The following TASP1 variants were observed in gnomAD, a reference collection of about 807,000 sequenced individuals.
The protein encoded by TASP1 is threonine aspartase 1.
TASP1 carries 16 observed loss-of-function variants against 56.6 expected under a neutral mutation model. The observed-to-expected ratio is 0.28, with a 90% CI of 0.19 to 0.43. The LOEUF is 0.43. TASP1 is among the 20% of genes least tolerant of loss of function. The probability of loss-of-function intolerance (pLI) is 1.00; values close to 1 mark genes in which losing one functional copy is unlikely to be tolerated. For missense variants in TASP1, 393 were observed against 511.6 expected (o/e 0.77, Z 2.24); for synonymous variants, 179 against 184.2 (o/e 0.97, Z 0.23).
At chr20:13,558,688 A>G (rs2046243813) in intron 8 of TASP1, among the ~76,000 whole-genome samples, 1 of 152,136 alleles carries the variant, frequency 6.6e-6, no homozygotes, top group African/African-American at 2.4e-5. Context: ...ACTGGTTCTG[A>G]AGACTTAATA....
the TASP1 span, among the ~76,000 whole-genome samples, chr20:13,281,735 G>A: frequency 1.3e-5 from 2 of 152,158 alleles, no homozygotes; most frequent in Admixed American, 6.5e-5. Context: ...AAAGATCAGC[G>A]CCACTGAGTG....
intron 12 of TASP1, among the ~76,000 whole-genome samples, chr20:13,430,523 T>C (rs73901163): frequency 6.6e-6 from 1 of 152,272 alleles, no homozygotes; most frequent in Non-Finnish European, 1.5e-5. Flanking sequence ...GCTGCTTGAG[T>C]GTCCTCATGA....
chr20:13,291,723 A>C, the TASP1 span, among the ~76,000 whole-genome samples: 3 of 152,210 alleles, frequency 2.0e-5, no homozygotes, highest in Admixed American at 6.5e-5. Flanking sequence ...AACAATGCTA[A>C]GTGTCCTAGA....
Position 13,401,984 on chromosome 20 carries a change from T to C in TASP1, c.1171-11532A>G, listed in dbSNP as rs117082559. Among the ~76,000 whole-genome samples the C allele has an allele frequency of 4.5e-3, 688 of 152,308 alleles. 3 individuals are homozygous for C. Among genetic ancestry groups the C allele is most frequent in the East Asian group, 0.01 (54 of 5,188 alleles). On this transcript the variant is annotated intron_variant, in intron 13 of 13. Transcript: ENST00000337743. The stretch of plus-strand genomic sequence containing the variant: ...TAGAGAAATTAATGTTTTCATTACT[T>C]TTCATGTTGCTAAAATAAAGAAGTT...
At chr20:13,420,183 T>G (rs1302572120) in intron 12 of TASP1, among the ~76,000 whole-genome samples, 2 of 152,196 alleles carry the variant, frequency 1.3e-5, no homozygotes, top group Non-Finnish European at 2.9e-5. Context: ...GACATTACCC[T>G]TTATTTTTTA....
At chr20:13,471,858 C>T (rs2044510253) in intron 11 of TASP1, among the ~76,000 whole-genome samples, 1 of 152,152 alleles carries the variant, frequency 6.6e-6, no homozygotes, top group Non-Finnish European at 1.5e-5. Context: ...AGAGCCAAAG[C>T]AGGGTGCGGC....
chr20:13,454,991 T>C (rs1274079907), intron 11 of TASP1, among the ~76,000 whole-genome samples: 1 of 152,118 alleles, frequency 6.6e-6, no homozygotes, highest in Non-Finnish European at 1.5e-5. Flanking sequence ...TTTGATTTAA[T>C]TGCATATTTT....
the TASP1 span, among the ~76,000 whole-genome samples, chr20:13,136,569 C>A: frequency 6.6e-6 from 1 of 150,650 alleles, no homozygotes; most frequent in Non-Finnish European, 1.5e-5. Context: ...CACTGCACTC[C>A]AGCCTGGGCA....
intron 4 of TASP1, among the ~76,000 whole-genome samples, chr20:13,590,612 A>G (rs1437781019): frequency 1.3e-5 from 2 of 152,218 alleles, no homozygotes; most frequent in South Asian, 4.1e-4. Context: ...TCACACCTGT[A>G]ATCCCAGCAC....
intron 10 of TASP1, among the ~76,000 whole-genome samples, chr20:13,507,277 A>G (rs1008130130): frequency 3.3e-5 from 5 of 152,236 alleles, no homozygotes; most frequent in African/African-American, 1.2e-4. Context: ...TCACTCCTAT[A>G]ATCCCAGCAT....
chr20:13,386,365 G>T (rs973939456), downstream of TASP1, among the ~76,000 whole-genome samples: 1 of 152,132 alleles, frequency 6.6e-6, no homozygotes, highest in Admixed American at 6.5e-5. Flanking sequence ...ATTAAGGGTT[G>T]CCTCTAGGGA....
At chr20:13,498,796 C>CAAAAAAAAAAAAAAAA (rs34158191) in intron 10 of TASP1, among the ~76,000 whole-genome samples, 1 of 130,058 alleles carries the variant, frequency 7.7e-6, no homozygotes. Context: ...ATAAAAAAGG[C>CAAAAAAAAAAAAAAAA]AAAAAAAAAA....
At chr20:13,531,090 A>G (rs2045199985) in intron 9 of TASP1, among the ~76,000 whole-genome samples, 1 of 152,224 alleles carries the variant, frequency 6.6e-6, no homozygotes, top group South Asian at 2.1e-4. Flanking sequence ...TGCTGAACAT[A>G]GCAAGTGCTT....
the TASP1 span, among the ~76,000 whole-genome samples, chr20:13,266,876 T>C: frequency 1.3e-5 from 2 of 152,332 alleles, no homozygotes; most frequent in East Asian, 3.9e-4. Flanking sequence ...GTGAGTGAAC[T>C]TGGTAATAGC....
the TASP1 span, among the ~76,000 whole-genome samples, chr20:13,178,341 T>G: frequency 1.5e-4 from 23 of 152,218 alleles, no homozygotes; most frequent in African/African-American, 5.3e-4. Flanking sequence ...TGAACAACAG[T>G]GTGAAGGTTC....
the TASP1 span, among the ~76,000 whole-genome samples, chr20:13,316,819 C>T: frequency 1.6e-3 from 246 of 151,758 alleles, no homozygotes; most frequent in African/African-American, 5.2e-3. Context: ...ACAAAACACC[C>T]GATAGTTAAT....
At chr20:13,145,030 C>T in the TASP1 span, among the ~76,000 whole-genome samples, 2 of 152,246 alleles carry the variant, frequency 1.3e-5, no homozygotes, top group Admixed American at 6.5e-5. Flanking sequence ...CTGCCTCAGC[C>T]TCCCAAAGTG....
chr20:13,255,656 T>G, the TASP1 span, among the ~76,000 whole-genome samples: 1 of 152,176 alleles, frequency 6.6e-6, no homozygotes, highest in Non-Finnish European at 1.5e-5. Flanking sequence ...TATTAGCACT[T>G]ATAAGCCTCT....
the TASP1 span, among the ~76,000 whole-genome samples, chr20:13,227,634 G>A: frequency 2.4e-3 from 357 of 150,924 alleles, no homozygotes; most frequent in African/African-American, 7.2e-3. Context: ...TCAGCCTCCC[G>A]GGTAGCTGGG....
Sources: gnomAD v4.1 joint callset for allele counts (sites outside exome capture counted in the v4.1 genomes callset) on GRCh38, gnomAD v4.1.1 for gene constraint, MANE v1.5 for transcripts, NCBI Gene and HGNC (gene_info 2026-07-23, HGNC 2026-07-21) for gene names.